The following PTPN13 variants were observed in gnomAD, a reference collection of about 807,000 sequenced individuals.
The protein encoded by PTPN13 is tyrosine-protein phosphatase non-receptor type 13.
A neutral mutation model predicts 284.0 loss-of-function variants in PTPN13; 191 were observed. The ratio of observed to expected loss-of-function variants is 0.67; its 90% CI spans 0.60 to 0.76. PTPN13 has a LOEUF of 0.76. Ranked by LOEUF, PTPN13 falls within the 30% of genes least tolerant of loss-of-function variation. The pLI, the probability that PTPN13 is intolerant of heterozygous loss-of-function variation, is 0.00. For missense variants in PTPN13, 2,797 were observed against 2,939.9 expected (o/e 0.95, Z 1.12); for synonymous variants, 986 against 1,022.3 (o/e 0.96, Z 0.68).
chr4:86,699,798 C>T (rs1056534679), intron 6 of PTPN13, among the ~76,000 whole-genome samples: 2 of 152,088 alleles, frequency 1.3e-5, no homozygotes, highest in Non-Finnish European at 2.9e-5. Context: ...AAGAATATCT[C>T]TGTTCTCTAT....
At chr4:86,785,817 A>G in intron 39 of PTPN13, 31 bp from the exon 40 acceptor site, 1 of 1,382,916 alleles carries the variant, frequency 7.2e-7, no homozygotes, top group Non-Finnish European at 9.9e-7. Flanking sequence ...AGTTTTATAA[A>G]TTCCTCTTGG....
chr4:86,599,701 A>G (rs901574447), intron 1 of PTPN13, among the ~76,000 whole-genome samples: 1 of 152,164 alleles, frequency 6.6e-6, no homozygotes, highest in African/African-American at 2.4e-5. Flanking sequence ...TAATTTAAAA[A>G]TATATTGTGT....
At chr4:86,719,099 A>T (rs1733358510) in intron 9 of PTPN13, among the ~76,000 whole-genome samples, 1 of 152,150 alleles carries the variant, frequency 6.6e-6, no homozygotes, top group African/African-American at 2.4e-5. Flanking sequence ...AGTACACAAC[A>T]GTTATCTTTT....
chr4:86,725,380 G>C (rs1176174259), intron 10 of PTPN13, among the ~76,000 whole-genome samples: 1 of 149,252 alleles, frequency 6.7e-6, no homozygotes. Flanking sequence ...CTAGATTCTT[G>C]AGTAATCGCC....
intron 7 of PTPN13, among the ~76,000 whole-genome samples, chr4:86,703,033 G>A (rs1731332155): frequency 6.6e-6 from 1 of 152,178 alleles, no homozygotes; most frequent in South Asian, 2.1e-4. Flanking sequence ...GAGTTTTGCT[G>A]TACTTTGAGT....
At chr4:86,706,243 T>A (rs1371435077) in intron 7 of PTPN13, among the ~76,000 whole-genome samples, 1 of 152,184 alleles carries the variant, frequency 6.6e-6, no homozygotes, top group Non-Finnish European at 1.5e-5. Context: ...AATCCCAGTC[T>A]CTAGAGCCCA....
At chr4:86,809,518 TGA>T (rs2149389442) in intron 45 of PTPN13, among the ~76,000 whole-genome samples, 1 of 152,138 alleles carries the variant, frequency 6.6e-6, no homozygotes, top group African/African-American at 2.4e-5. Flanking sequence ...ACCAACATGG[TGA>T]AACCCCATCT....
intron 5 of PTPN13, chr4:86,689,775 C>A: frequency 1.4e-6 from 1 of 701,970 alleles, no homozygotes; most frequent in African/African-American, 1.7e-5. Context: ...CAAGAATAAC[C>A]AATGCTATAT....
intron 2 of PTPN13, among the ~76,000 whole-genome samples, chr4:86,667,560 C>G (rs1394915564): frequency 6.6e-6 from 1 of 151,966 alleles, no homozygotes; most frequent in Non-Finnish European, 1.5e-5. Context: ...TATTCTGAAC[C>G]ATTTATTTTC....
chr4:86,803,904 G>C (rs749583623), intron 43 of PTPN13, 47 bp downstream of exon 43: 1 of 1,572,666 alleles, frequency 6.4e-7, no homozygotes, highest in Non-Finnish European at 8.7e-7. Context: ...TATGCATTTA[G>C]TTTGTAAGGA....
chr4:86,692,740 A>G lies in PTPN13; in HGVS notation c.547-847A>G, dbSNP rs1322402015. On this transcript the variant is annotated intron_variant, in intron 5 of 47. Coordinates refer to ENST00000411767, the MANE Select transcript of PTPN13 (RefSeq NM_080683.3). Reference sequence around the variant, plus strand: ...TTTTGTTTTAAAGGGAACTTAAAAGAGCATTGATTTAAATTTGTTATCCCT... The same window carrying G: ...TTTTGTTTTAAAGGGAACTTAAAAGGGCATTGATTTAAATTTGTTATCCCT... Among the ~76,000 whole-genome samples the G allele has an allele frequency of 5.9e-5, 9 of 152,304 alleles. 1 individual carries two copies. In the South Asian group the frequency reaches 1.7e-3, roughly 28 times the overall value.
chr4:86,652,662 A>G (rs1462878549), intron 2 of PTPN13, among the ~76,000 whole-genome samples: 1 of 151,640 alleles, frequency 6.6e-6, no homozygotes, highest in Admixed American at 6.6e-5. Context: ...TTATTTGTAT[A>G]TTTTCTCTTG....
intron 10 of PTPN13, among the ~76,000 whole-genome samples, 185 bp downstream of exon 10, chr4:86,722,619 A>G (rs1228112468): frequency 1.3e-5 from 2 of 152,110 alleles, no homozygotes; most frequent in East Asian, 1.9e-4. Flanking sequence ...ACATTTAGCT[A>G]TTTTCATTAT....
chr4:86,750,347 C>A, intron 17 of PTPN13, 123 bp from the exon 18 acceptor site: 2 of 871,090 alleles, frequency 2.3e-6, no homozygotes, highest in Non-Finnish European at 3.6e-6. Context: ...ACTTTGAAAG[C>A]TACCTACTTA....
intron 1 of PTPN13, among the ~76,000 whole-genome samples, chr4:86,603,451 C>A (rs1482490641): frequency 6.6e-6 from 1 of 152,042 alleles, no homozygotes; most frequent in African/African-American, 2.4e-5. Context: ...ACCTAAAATT[C>A]TTTAGAAAGT....
chr4:86,700,543 T>C (rs1290052634), intron 6 of PTPN13, among the ~76,000 whole-genome samples: 2 of 152,252 alleles, frequency 1.3e-5, no homozygotes, highest in East Asian at 1.9e-4. Flanking sequence ...TGGTACTTTA[T>C]TACAATTGGC....
chr4:86,694,141 C>T (rs562981995), intron 6 of PTPN13, among the ~76,000 whole-genome samples: 169 of 150,340 alleles, frequency 1.1e-3, no homozygotes, highest in African/African-American at 4.0e-3. Context: ...TAGATTTTAT[C>T]ATGGAGTTAT....
intron 1 of PTPN13, among the ~76,000 whole-genome samples, chr4:86,600,621 A>G (rs1330301071): frequency 1.3e-5 from 2 of 151,716 alleles, no homozygotes; most frequent in Non-Finnish European, 2.9e-5. Flanking sequence ...TTCTTGTTGA[A>G]CTTAAGGTTA....
chr4:86,690,361 C>G (rs1402081689), intron 5 of PTPN13: 2 of 152,074 alleles, frequency 1.3e-5, no homozygotes, highest in Non-Finnish European at 2.9e-5. Context: ...AAAAATTCCT[C>G]TATGACCAAA....
Sources: allele counts gnomAD v4.1 joint callset (sites outside exome capture counted in the v4.1 genomes callset), GRCh38; gene constraint gnomAD v4.1.1; transcripts MANE v1.5; gene names NCBI Gene and HGNC (gene_info 2026-07-23, HGNC 2026-07-21).